LRCH1: variants seen among roughly 807,000 people sequenced by gnomAD.
LRCH1 encodes the protein leucine-rich repeat and calponin homology domain-containing protein 1.
In LRCH1, 23 loss-of-function variants were observed where a neutral mutation model predicts 94.9. The ratio of observed to expected loss-of-function variants is 0.24; its 90% CI spans 0.17 to 0.34. The LOEUF is 0.34. Ranked by LOEUF, LRCH1 falls within the 10% of genes least tolerant of loss-of-function variation. LRCH1 has a pLI of 1.00. For synonymous variants in LRCH1, 364 were observed against 354.9 expected, an observed-to-expected ratio of 1.03 and a Z score of -0.29; for missense variants, 790 against 945.9, an observed-to-expected ratio of 0.84 and a Z score of 2.16.
At chr13:46,661,175 T>C (rs2051443112) in intron 2 of LRCH1, among the ~76,000 whole-genome samples, 1 of 152,142 alleles carries the variant, frequency 6.6e-6, no homozygotes. Context: ...CTGCACTGTG[T>C]AGAGGGGAGA....
chr13:46,681,718 TTC>T, intron 3 of LRCH1, 21 bp from the exon 4 acceptor site: 1 of 1,500,028 alleles, frequency 6.7e-7, no homozygotes, highest in Non-Finnish European at 9.3e-7. Context: ...TGTTTATTAT[TTC>T]TCTCTCTGCT....
intron 1 of LRCH1, among the ~76,000 whole-genome samples, chr13:46,629,815 T>C (rs2050997574): frequency 6.6e-6 from 1 of 152,208 alleles, no homozygotes; most frequent in South Asian, 2.1e-4. Context: ...AACCACAGTA[T>C]CAGGGCTAAA....
intron 1 of LRCH1, among the ~76,000 whole-genome samples, chr13:46,602,246 A>G (rs1437901053): frequency 6.6e-6 from 1 of 152,254 alleles, no homozygotes; most frequent in Admixed American, 6.5e-5. Flanking sequence ...TGGACATTAG[A>G]AGGATCTTTG....
At chr13:46,696,876 C>T (rs892139987) in intron 9 of LRCH1, among the ~76,000 whole-genome samples, 1 of 152,044 alleles carries the variant, frequency 6.6e-6, no homozygotes, top group Admixed American at 6.6e-5. Flanking sequence ...CAAGATCAGC[C>T]TGGGCAACAT....
intron 2 of LRCH1, among the ~76,000 whole-genome samples, chr13:46,661,922 A>G (rs1302236990): frequency 6.6e-6 from 1 of 152,180 alleles, no homozygotes; most frequent in Non-Finnish European, 1.5e-5. Flanking sequence ...AGTAAAAAAT[A>G]TATATTTTTG....
chr13:46,614,678 TTC>T (rs1458156852), intron 1 of LRCH1, among the ~76,000 whole-genome samples: 1 of 152,344 alleles, frequency 6.6e-6, no homozygotes, highest in East Asian at 1.9e-4. Context: ...ATGCTGTGTA[TTC>T]TCCTTGTTTC....
At chr13:46,642,257 C>A (rs1429907272) in intron 1 of LRCH1, among the ~76,000 whole-genome samples, 2 of 151,716 alleles carry the variant, frequency 1.3e-5, no homozygotes, top group Non-Finnish European at 2.9e-5. Flanking sequence ...ATTTTTTTTT[C>A]TTCTACAAGC....
intron 1 of LRCH1, among the ~76,000 whole-genome samples, chr13:46,572,138 A>G (rs9590967): frequency 1.8e-3 from 273 of 152,272 alleles, no homozygotes; most frequent in African/African-American, 6.4e-3. Context: ...GGCTGAGGCC[A>G]TTCCCTGCAC....
At chr13:46,686,952 ATTTT>A (rs71077916) in intron 5 of LRCH1, among the ~76,000 whole-genome samples, 6 of 85,442 alleles carry the variant, frequency 7.0e-5, no homozygotes, top group African/African-American at 2.8e-4. Context: ...GAGTATATTG[ATTTT>A]TTTTTTTTTT....
intron 11 of LRCH1, among the ~76,000 whole-genome samples, chr13:46,703,453 A>C (rs1299400347): frequency 6.6e-6 from 1 of 152,210 alleles, no homozygotes; most frequent in Non-Finnish European, 1.5e-5. Context: ...GTAAATTGGC[A>C]AAACCATTCT....
intron 1 of LRCH1, among the ~76,000 whole-genome samples, chr13:46,603,142 ATTC>A (rs1446261114): frequency 6.6e-6 from 1 of 151,416 alleles, no homozygotes; most frequent in East Asian, 1.9e-4. Flanking sequence ...GAGAAAGCTA[ATTC>A]TTCTTCATTT....
chr13:46,612,141 C>T (rs1309026006), intron 1 of LRCH1, among the ~76,000 whole-genome samples: 1 of 152,056 alleles, frequency 6.6e-6, no homozygotes, highest in Non-Finnish European at 1.5e-5. Context: ...TTAATAGGTG[C>T]AGCAAACCAC....
chr13:46,571,268 G>A (rs868374349), intron 1 of LRCH1, among the ~76,000 whole-genome samples: 8 of 152,210 alleles, frequency 5.3e-5, no homozygotes, highest in African/African-American at 1.9e-4. Context: ...TGCATCAGGT[G>A]CAGTTCCTGG....
intron 19 of LRCH1, among the ~76,000 whole-genome samples, chr13:46,736,211 A>G (rs1302652181): frequency 6.6e-6 from 1 of 151,764 alleles, no homozygotes; most frequent in African/African-American, 2.4e-5. Context: ...ACTAGAGTTT[A>G]AATTTACTTC....
At chr13:46,594,261 A>G (rs972372400) in intron 1 of LRCH1, among the ~76,000 whole-genome samples, 5 of 152,010 alleles carry the variant, frequency 3.3e-5, no homozygotes, top group South Asian at 2.1e-4. Flanking sequence ...AAAAAAAAGT[A>G]CATATTTAAC....
chr13:46,565,200 G>A (rs749481627), intron 1 of LRCH1, among the ~76,000 whole-genome samples: 12 of 152,220 alleles, frequency 7.9e-5, no homozygotes, highest in Non-Finnish European at 1.8e-4. Flanking sequence ...TTAGAAAAGA[G>A]AGTCAGTGTT....
Position 46,705,288 on chromosome 13 carries a change from C to T in LRCH1, c.1511C>T (p.Thr504Ile), listed in dbSNP as rs1871697845. ...CACAGTGGTCAAATACAGCTGGAGACATCTCCGGTGTGTGAGGTAAGGCTG... is the reference window on the plus strand; with the variant it reads ...CACAGTGGTCAAATACAGCTGGAGATATCTCCGGTGTGTGAGGTAAGGCTG... ...SALNGQIQLE[T>I]SPVCEVQSDL... Residue 504 changes from threonine to isoleucine, a missense_variant, in exon 13 of 20, where the codon ACA (threonine) becomes ATA (isoleucine). Around this residue, in one of 3 missense-constraint regions of LRCH1, gnomAD observed 460 missense variants for 508.9 expected, o/e 0.90. Coordinates refer to ENST00000389797, the MANE Select transcript of LRCH1 (RefSeq NM_001164211.2). The T allele has an allele frequency of 1.2e-6, 2 of 1,613,378 alleles. No homozygotes were observed. Among genetic ancestry groups the T allele is most frequent in the South Asian group, 2.2e-5 (2 of 91,066 alleles).
At chr13:46,710,480 C>A (rs1566242178) in intron 13 of LRCH1, among the ~76,000 whole-genome samples, 1 of 152,248 alleles carries the variant, frequency 6.6e-6, no homozygotes, top group East Asian at 1.9e-4. Context: ...GCACTGGCAT[C>A]CATGCAGGAA....
At chr13:46,624,015 C>T (rs1404671773) in intron 1 of LRCH1, among the ~76,000 whole-genome samples, 1 of 152,022 alleles carries the variant, frequency 6.6e-6, no homozygotes. Flanking sequence ...TCCTGAGCAG[C>T]TAGAAGTGCA....
Sources: gnomAD v4.1 joint callset for allele counts (sites outside exome capture counted in the v4.1 genomes callset) on GRCh38, gnomAD v4.1.1 for gene constraint, gnomAD v4.1.1 regional missense constraint, MANE v1.5 for transcripts, NCBI Gene and HGNC (gene_info 2026-07-23, HGNC 2026-07-21) for gene names.